Variants in RLN2 observed in about 807,000 individuals in gnomAD.
RLN2 encodes the protein relaxin 2, also known as prorelaxin H2.
RLN2 carries 10 observed loss-of-function variants against 7.3 expected under a neutral mutation model. That is an observed-to-expected ratio of 1.36 (90% CI 0.84 to 2.31). The LOEUF (loss-of-function observed/expected upper bound fraction) is 2.31. RLN2 is among the 30% of genes most tolerant of loss of function. RLN2 has a pLI of 0.00. For synonymous variants in RLN2, 103 were observed against 82.3 expected, an observed-to-expected ratio of 1.25 and a Z score of -1.36; for missense variants, 298 against 217.6, an observed-to-expected ratio of 1.37 and a Z score of -2.32.
chr9:5,300,055 A>G lies in RLN2; in HGVS notation c.*43T>C. 1.6e-6 allele frequency: 2 copies of G among 1,220,482 alleles called. No individual in the cohort carries two copies. Among genetic ancestry groups the G allele is most frequent in the African/African-American group, 1.5e-5 (1 of 65,950 alleles). The allele number at this position is 1,220,482 out of a possible 1,614,324, so 75.6% of individuals were successfully genotyped here. ...AAGCATCAGTGAAATGTCATTAAGAATATGTGTGAATATTATACGAGATGT... is the reference window on the plus strand; with the variant it reads ...AAGCATCAGTGAAATGTCATTAAGAGTATGTGTGAATATTATACGAGATGT... On this transcript the variant is annotated 3_prime_UTR_variant, in exon 2 of 2. Coordinates refer to ENST00000381627, the MANE Select transcript of RLN2 (RefSeq NM_134441.3).
At chr9:5,330,777 A>AC in the RLN2 span, among the ~76,000 whole-genome samples, 1 of 151,540 alleles carries the variant, frequency 6.6e-6, no homozygotes, top group Non-Finnish European at 1.5e-5. Flanking sequence ...AAAAAAAAAA[A>AC]AAAAACCTTC....
At chr9:5,329,221 T>G in the RLN2 span, among the ~76,000 whole-genome samples, 5 of 141,434 alleles carry the variant, frequency 3.5e-5, no homozygotes, top group African/African-American at 1.3e-4. Flanking sequence ...GAGAATGGCG[T>G]GAACCCGGGA....
At chr9:5,323,609 G>A in the RLN2 span, among the ~76,000 whole-genome samples, 1 of 151,836 alleles carries the variant, frequency 6.6e-6, no homozygotes, top group African/African-American at 2.4e-5. Context: ...AAGGTACACA[G>A]CAACAAACTA....
At chr9:5,314,261 C>T in the RLN2 span, among the ~76,000 whole-genome samples, 165 of 152,136 alleles carry the variant, frequency 1.1e-3, 1 homozygote, top group African/African-American at 2.8e-3. Context: ...GCTGTTGAAC[C>T]GCCCCCAAAT....
At chr9:5,327,080 G>C in the RLN2 span, among the ~76,000 whole-genome samples, 1 of 152,028 alleles carries the variant, frequency 6.6e-6, no homozygotes, top group African/African-American at 2.4e-5. Context: ...GTGAGCTGAA[G>C]CAGGGCGAGG....
the RLN2 span, among the ~76,000 whole-genome samples, chr9:5,337,738 C>T: frequency 6.6e-6 from 1 of 151,960 alleles, no homozygotes; most frequent in Non-Finnish European, 1.5e-5. Context: ...TCTGAGGTTA[C>T]TTTCAGTTAA....
At chr9:5,334,009 G>A in the RLN2 span, among the ~76,000 whole-genome samples, 1 of 151,956 alleles carries the variant, frequency 6.6e-6, no homozygotes, top group African/African-American at 2.4e-5. Flanking sequence ...AAGTATTGAA[G>A]GAACACACTT....
the RLN2 span, among the ~76,000 whole-genome samples, chr9:5,323,510 C>T: frequency 9.2e-5 from 14 of 151,650 alleles, no homozygotes; most frequent in African/African-American, 3.4e-4. Context: ...GATTTTTTCC[C>T]TTTTCTTTAG....
chr9:5,321,590 G>T, the RLN2 span, among the ~76,000 whole-genome samples: 1 of 151,808 alleles, frequency 6.6e-6, no homozygotes, highest in Non-Finnish European at 1.5e-5. Context: ...AGGAAATAAG[G>T]CAGGAAGGAA....
At chr9:5,335,938 C>T in the RLN2 span, among the ~76,000 whole-genome samples, 4 of 152,036 alleles carry the variant, frequency 2.6e-5, no homozygotes, top group Non-Finnish European at 4.4e-5. Context: ...AGTTTGGCCA[C>T]ACATAGTGGT....
the RLN2 span, among the ~76,000 whole-genome samples, chr9:5,326,095 A>G: frequency 6.6e-6 from 1 of 152,248 alleles, no homozygotes; most frequent in South Asian, 2.1e-4. Context: ...CATTCAATCT[A>G]AAATTGCTAG....
At chr9:5,306,261 C>G (rs919364852), upstream of RLN2, among the ~76,000 whole-genome samples, 1 of 151,654 alleles carries the variant, frequency 6.6e-6, no homozygotes, top group Admixed American at 6.6e-5. Context: ...GTGTGCACCA[C>G]CACACCTGGC....
At chr9:5,322,649 C>T in the RLN2 span, among the ~76,000 whole-genome samples, 4 of 151,880 alleles carry the variant, frequency 2.6e-5, no homozygotes, top group African/African-American at 9.7e-5. Context: ...TACAAACATC[C>T]TGGCATTTCT....
chr9:5,337,087 T>A, the RLN2 span, among the ~76,000 whole-genome samples: 5 of 152,116 alleles, frequency 3.3e-5, no homozygotes, highest in Admixed American at 2.0e-4. Flanking sequence ...AAATGACAGA[T>A]GAGAATTTAT....
chr9:5,310,177 G>A, the RLN2 span, among the ~76,000 whole-genome samples: 1 of 151,940 alleles, frequency 6.6e-6, no homozygotes, highest in African/African-American at 2.4e-5. Context: ...GGTTATCCCA[G>A]GGCAATCATG....
the RLN2 span, among the ~76,000 whole-genome samples, chr9:5,322,758 C>T: frequency 6.6e-6 from 1 of 151,960 alleles, no homozygotes; most frequent in African/African-American, 2.4e-5. Context: ...CATTTTACAT[C>T]ATAAAGCTTT....
At chr9:5,305,134 T>C (rs1816219738), upstream of RLN2, among the ~76,000 whole-genome samples, 1 of 151,950 alleles carries the variant, frequency 6.6e-6, no homozygotes, top group African/African-American at 2.4e-5. Context: ...AATAAATAAA[T>C]TGTTGATGAC....
the RLN2 span, among the ~76,000 whole-genome samples, chr9:5,327,878 A>T: frequency 6.6e-6 from 1 of 152,070 alleles, no homozygotes; most frequent in Admixed American, 6.6e-5. Flanking sequence ...ATCAACAAAA[A>T]GGACATCCAC....
At chr9:5,331,631 C>T in the RLN2 span, among the ~76,000 whole-genome samples, 1 of 138,736 alleles carries the variant, frequency 7.2e-6, no homozygotes, top group Non-Finnish European at 1.5e-5. Context: ...AACACATGGA[C>T]ACAGGGTGGG....
Sources: gnomAD v4.1 joint callset for allele counts (sites outside exome capture counted in the v4.1 genomes callset) on GRCh38, gnomAD v4.1.1 for gene constraint, MANE v1.5 for transcripts, NCBI Gene and HGNC (gene_info 2026-07-23, HGNC 2026-07-21) for gene names.